The following TMEM135 variants were observed in gnomAD, a reference collection of about 807,000 sequenced individuals.
TMEM135 encodes transmembrane protein 135.
In TMEM135, 30 loss-of-function variants were observed where a neutral mutation model predicts 60.3. The ratio of observed to expected loss-of-function variants is 0.50; its 90% CI spans 0.37 to 0.68. The LOEUF (loss-of-function observed/expected upper bound fraction) is 0.68, where lower values mean the gene tolerates loss of function less well. Among genes scored for constraint, TMEM135 ranks in the 30% least tolerant of loss-of-function variants. The pLI is 0.00. For missense variants in TMEM135, 468 were observed against 548.8 expected (o/e 0.85, Z 1.47); for synonymous variants, 190 against 186.7 (o/e 1.02, Z -0.14).
At position 87,324,055 on chromosome 11, in the gene TMEM135, T is replaced by C. The variant is rs1371694030; in HGVS notation, c.*2722T>C. The stretch of plus-strand genomic sequence containing the variant: ...TTTATTAGACTGAACATGTATGTTT[T>C]TGATGGAATCCAAACTGAGCAAATG... On this transcript the variant is annotated 3_prime_UTR_variant, in exon 15 of 15. Coordinates refer to ENST00000305494, the MANE Select transcript of TMEM135 (RefSeq NM_022918.4). 4 of 454,012 alleles carry C rather than the reference T, an allele frequency of 8.8e-6. No individual in the cohort carries two copies. The highest frequency in any genetic ancestry group is 1.3e-5 in the Non-Finnish European group (3 of 226,792). The allele number at this position is 454,012 out of a possible 1,614,324, so 28.1% of individuals were successfully genotyped here.
At chr11:87,213,960 C>G (rs1940439214) in intron 5 of TMEM135, among the ~76,000 whole-genome samples, 1 of 152,182 alleles carries the variant, frequency 6.6e-6, no homozygotes, top group Admixed American at 6.5e-5. Context: ...TGAACCATAA[C>G]TTCAGCCTTT....
intron 4 of TMEM135, among the ~76,000 whole-genome samples, chr11:87,123,655 A>G (rs1253243633): frequency 1.3e-5 from 2 of 152,166 alleles, no homozygotes; most frequent in African/African-American, 4.8e-5. Flanking sequence ...GCCATACAAA[A>G]CAGGTGGTGG....
At chr11:87,191,067 C>G (rs1939786918) in intron 5 of TMEM135, among the ~76,000 whole-genome samples, 1 of 152,134 alleles carries the variant, frequency 6.6e-6, no homozygotes, top group Non-Finnish European at 1.5e-5. Context: ...ACACAAAACT[C>G]TAATTCCTTG....
intron 4 of TMEM135, among the ~76,000 whole-genome samples, chr11:87,141,871 T>C (rs1052637513): frequency 2.0e-5 from 3 of 152,212 alleles, no homozygotes; most frequent in Non-Finnish European, 4.4e-5. Flanking sequence ...AACTCACAGT[T>C]CTTACCTTAT....
intron 12 of TMEM135, among the ~76,000 whole-genome samples, chr11:87,315,719 A>G (rs901356568): frequency 6.6e-6 from 1 of 152,028 alleles, no homozygotes; most frequent in Non-Finnish European, 1.5e-5. Flanking sequence ...AAGTCAAAAT[A>G]AAATGCTTGA....
intron 5 of TMEM135, 188 bp downstream of exon 5, chr11:87,157,594 T>C (rs775046716): frequency 1.9e-6 from 1 of 534,270 alleles, no homozygotes; most frequent in Non-Finnish European, 3.3e-6. Context: ...AGATCTTAGA[T>C]TGAAAACAAA....
At chr11:87,173,460 C>T (rs1939291716) in intron 5 of TMEM135, among the ~76,000 whole-genome samples, 1 of 152,134 alleles carries the variant, frequency 6.6e-6, no homozygotes, top group East Asian at 1.9e-4. Flanking sequence ...GTTTTATAGT[C>T]TAGTGGCTGA....
At chr11:87,080,115 C>T (rs1447228686) in intron 3 of TMEM135, among the ~76,000 whole-genome samples, 3 of 150,960 alleles carry the variant, frequency 2.0e-5, no homozygotes, top group Admixed American at 1.3e-4. Context: ...GCTGAGATTA[C>T]AGGCATGAGC....
chr11:87,075,123 T>C lies in TMEM135; in HGVS notation c.362+3508T>C, dbSNP rs200522761. Among the ~76,000 whole-genome samples, 22 of 152,150 alleles carry C rather than the reference T, an allele frequency of 1.4e-4. No individual in the cohort carries two copies. The East Asian group carries it at 3.9e-3, about 27-fold the overall frequency. ...CTGGGACTACAGGTGCACACCACTATGCTCAGCTAATTTTTTATTTTTTAT... is the reference window on the plus strand; with the variant it reads ...CTGGGACTACAGGTGCACACCACTACGCTCAGCTAATTTTTTATTTTTTAT... On this transcript the variant is annotated intron_variant, in intron 3 of 14. Transcript: ENST00000305494.
intron 4 of TMEM135, among the ~76,000 whole-genome samples, chr11:87,143,267 G>C (rs608966): frequency 0.37 from 55,817 of 151,694 alleles, 10,805 homozygotes; most frequent in East Asian, 0.67. Flanking sequence ...TAACTTTTGA[G>C]CATATTTATA....
In TMEM135 at chr11:87,309,490, C is replaced by T. The variant is rs774540515; in HGVS notation, c.769-15C>T. The T allele has an allele frequency of 6.2e-7, 1 of 1,613,294 alleles. No individual in the cohort carries two copies. Among genetic ancestry groups the T allele is most frequent in the Admixed American group, 1.7e-5 (1 of 59,974 alleles). On this transcript the variant is annotated splice_polypyrimidine_tract_variant and intron_variant, in intron 9 of 14. Transcript: ENST00000305494. ...ATTTGTTTGTAAATCAGGTTTTTCT[C>T]CAAATTTCCTCTAGGGTTTCATCAG...
At chr11:87,255,715 T>C (rs1433422506) in intron 6 of TMEM135, among the ~76,000 whole-genome samples, 1 of 152,052 alleles carries the variant, frequency 6.6e-6, no homozygotes, top group Non-Finnish European at 1.5e-5. Flanking sequence ...AGAGCTGCCA[T>C]GCAGTTGGCC....
rs765162307 is a variant in TMEM135, at chr11:87,325,311, T to C, written c.*3978T>C. 2.2e-6 allele frequency: 1 copy of C among 454,062 alleles called. No individual in the cohort carries two copies. Among genetic ancestry groups the C allele is most frequent in the Non-Finnish European group, 4.4e-6 (1 of 226,792 alleles). 28.1% of individuals were successfully genotyped at this position (454,062 alleles called of 1,614,324 possible). On this transcript the variant is annotated 3_prime_UTR_variant, in exon 15 of 15. Transcript: ENST00000305494. ...CAGAAGTGGGGCAGTAAGTTGGCCA[T>C]GATATAGCTAGTGTCATAGGACTAC...
At chr11:87,223,824 T>C (rs1283720324) in intron 5 of TMEM135, among the ~76,000 whole-genome samples, 1 of 150,196 alleles carries the variant, frequency 6.7e-6, no homozygotes. Context: ...CACTCCAGCC[T>C]GGGTAAGAGA....
chr11:87,055,887 T>C (rs1308725485), intron 1 of TMEM135, among the ~76,000 whole-genome samples: 2 of 152,176 alleles, frequency 1.3e-5, no homozygotes, highest in East Asian at 1.9e-4. Context: ...AGAGGGTTCT[T>C]GGATTTTGCG....
At chr11:87,110,439 G>A (rs904964343) in intron 4 of TMEM135, among the ~76,000 whole-genome samples, 1 of 150,912 alleles carries the variant, frequency 6.6e-6, no homozygotes, top group Non-Finnish European at 1.5e-5. Context: ...TGGGCACAGA[G>A]TGAGAACCTG....
At chr11:87,086,323 C>CA (rs146707284) in intron 3 of TMEM135, among the ~76,000 whole-genome samples, 2,509 of 152,292 alleles carry the variant, frequency 0.016, 62 homozygotes, top group East Asian at 0.063. Flanking sequence ...GCCCTGCACC[C>CA]AGGCCTTGCT....
rs569355164 is a variant in TMEM135 at position 87,219,069 on chromosome 11, TTTAAA to T, written c.463-17567_463-17563del. On this transcript the variant is annotated intron_variant, in intron 5 of 14. Coordinates refer to ENST00000305494, the MANE Select transcript of TMEM135 (RefSeq NM_022918.4). ...CTTGTCTAATATCTATTCAAAATTATTTAAATAAAATTAAAACATTAGAAATATTT... is the reference window on the plus strand; with the variant it reads ...CTTGTCTAATATCTATTCAAAATTATTAAAATTAAAACATTAGAAATATTT... Among the ~76,000 whole-genome samples, 292 of 152,338 alleles carry T rather than the reference TTTAAA, an allele frequency of 1.9e-3. 1 individual carries two copies. The highest frequency in any genetic ancestry group is 6.7e-3 in the African/African-American group (278 of 41,590).
chr11:87,177,799 G>C (rs1939417808), intron 5 of TMEM135, among the ~76,000 whole-genome samples: 1 of 152,052 alleles, frequency 6.6e-6, no homozygotes, highest in South Asian at 2.1e-4. Flanking sequence ...TCTCAATTCA[G>C]ATGCCAGCCA....
Sources: allele counts gnomAD v4.1 joint callset (sites outside exome capture counted in the v4.1 genomes callset), GRCh38; gene constraint gnomAD v4.1.1; transcripts MANE v1.5; gene names NCBI Gene and HGNC (gene_info 2026-07-23, HGNC 2026-07-21).